Variants in CACNG2 observed in about 807,000 individuals in gnomAD.
CACNG2 encodes calcium voltage-gated channel auxiliary subunit gamma 2.
CACNG2 carries 3 observed loss-of-function variants against 25.9 expected under a neutral mutation model. That is an observed-to-expected ratio of 0.12 (90% CI 0.05 to 0.30). The LOEUF is 0.30. Ranked by LOEUF, CACNG2 falls within the 10% of genes least tolerant of loss-of-function variation. The probability of loss-of-function intolerance (pLI) is 1.00; values close to 1 mark genes in which losing one functional copy is unlikely to be tolerated. For synonymous variants in CACNG2, 167 were observed against 173.3 expected (o/e 0.96, Z 0.29); for missense variants, 341 against 432.5 (o/e 0.79, Z 1.88).
intron 1 of CACNG2, among the ~76,000 whole-genome samples, chr22:36,695,094 TC>T (rs1030149936): frequency 6.6e-6 from 1 of 152,078 alleles, no homozygotes; most frequent in African/African-American, 2.4e-5. Context: ...TTTGCGCCTG[TC>T]TTCTCAGCTA....
chr22:36,621,122 T>C (rs903207910), intron 1 of CACNG2, among the ~76,000 whole-genome samples: 1 of 152,250 alleles, frequency 6.6e-6, no homozygotes, highest in Admixed American at 6.5e-5. Context: ...GGATCTCTTA[T>C]AGGTATTGAG....
Position 36,563,758 on chromosome 22 carries a change from G to A in CACNG2, c.*593C>T, listed in dbSNP as rs769415097. Among the ~76,000 whole-genome samples, 125 of 151,636 alleles carry A rather than the reference G, an allele frequency of 8.2e-4. 1 individual carries two copies. The highest frequency in any genetic ancestry group is 8.7e-4 in the Non-Finnish European group (59 of 67,856). ...GTGACTGCAGGCTCACCTGGCCCCA[G>A]GGCCCCTGAGTCTCGCCCCCCAATC... On this transcript the variant is annotated 3_prime_UTR_variant, in exon 4 of 4. Coordinates refer to ENST00000300105, the MANE Select transcript of CACNG2 (RefSeq NM_006078.5).
intron 1 of CACNG2, among the ~76,000 whole-genome samples, chr22:36,674,428 G>T (rs546631907): frequency 6.6e-6 from 1 of 152,156 alleles, no homozygotes; most frequent in African/African-American, 2.4e-5. Flanking sequence ...TCTTGGGCTT[G>T]AGCGATTCTC....
At chr22:36,653,960 TTG>T (rs140752261) in intron 1 of CACNG2, among the ~76,000 whole-genome samples, 42 of 124,096 alleles carry the variant, frequency 3.4e-4, no homozygotes, top group South Asian at 1.7e-3. Flanking sequence ...TACAGTGTGT[TTG>T]TGTGTGTGTG....
rs748620747 is a variant in CACNG2, at chr22:36,587,544, A to G, written c.216T>C (p.Asn72=). 6 of 1,611,608 alleles carry G rather than the reference A, an allele frequency of 3.7e-6. No homozygotes were observed. Among genetic ancestry groups the G allele is most frequent in the South Asian group, 3.3e-5 (3 of 91,044 alleles). Residue 72 remains asparagine, a synonymous_variant, in exon 2 of 4, where the codon AAT becomes AAC. Coordinates refer to ENST00000300105, the MANE Select transcript of CACNG2 (RefSeq NM_006078.5). The part of the protein sequence containing the change: ...GLWRTCCLEG[N]FKGLCKQIDH... The stretch of plus-strand genomic sequence containing the variant: ...CAATTTGCTTGCACAGACCTTTGAA[A>G]TTCCCTGCAAAACAAGGGGAGAAGG...
At chr22:36,635,187 G>A (rs1160851366) in intron 1 of CACNG2, among the ~76,000 whole-genome samples, 2 of 151,960 alleles carry the variant, frequency 1.3e-5, no homozygotes, top group African/African-American at 4.8e-5. Context: ...GGGAGGCTGA[G>A]GCAGGAGAAT....
At chr22:36,679,152 TC>T (rs1937054596) in intron 1 of CACNG2, among the ~76,000 whole-genome samples, 6 of 85,536 alleles carry the variant, frequency 7.0e-5, no homozygotes, top group Admixed American at 2.3e-4. Flanking sequence ...CTTCCTTCCT[TC>T]CTTCCTTCCT....
intron 2 of CACNG2, among the ~76,000 whole-genome samples, chr22:36,576,455 C>T (rs1230051071): frequency 3.3e-5 from 5 of 151,592 alleles, no homozygotes; most frequent in Admixed American, 1.3e-4. Flanking sequence ...GGGTGCACCA[C>T]AATCTCACAA....
At chr22:36,683,241 T>G (rs765168808) in intron 1 of CACNG2, among the ~76,000 whole-genome samples, 2 of 152,250 alleles carry the variant, frequency 1.3e-5, no homozygotes, top group Non-Finnish European at 2.9e-5. Flanking sequence ...GTATAAGAAG[T>G]AGCTATGTCT....
At chr22:36,567,057 C>T (rs566653694) in intron 2 of CACNG2, among the ~76,000 whole-genome samples, 127 of 152,240 alleles carry the variant, frequency 8.3e-4, no homozygotes, top group African/African-American at 2.8e-3. Context: ...GGTGGAACCA[C>T]GTGGGTTGGA....
chr22:36,595,214 G>A (rs769000777), intron 1 of CACNG2, among the ~76,000 whole-genome samples: 3 of 152,070 alleles, frequency 2.0e-5, no homozygotes, highest in South Asian at 4.1e-4. Context: ...AGGATAGTGC[G>A]GGACATAGGA....
chr22:36,702,905 T>G lies in CACNG2; in HGVS notation c.-329A>C. ...CCCCACCCCCCCAAGTGAGATGCCT[T>G]AATCTCTTTTTCTAAAATTCTGGTC... On this transcript the variant is annotated 5_prime_UTR_variant, in exon 1 of 4. The change abolishes the stop of an existing upstream ORF in the 5' untranslated region. Transcript: ENST00000300105. The G allele has an allele frequency of 4.5e-6, 1 of 224,700 alleles. No homozygotes were observed. The highest frequency in any genetic ancestry group is 8.5e-6 in the Non-Finnish European group (1 of 117,198). The allele number at this position is 224,700 out of a possible 1,614,324, so 13.9% of individuals were successfully genotyped here.
intron 2 of CACNG2, among the ~76,000 whole-genome samples, chr22:36,583,154 G>C (rs1935447323): frequency 7.9e-6 from 1 of 126,068 alleles, no homozygotes; most frequent in Admixed American, 8.6e-5. Flanking sequence ...TTAATTTAGG[G>C]CTGGACATGG....
chr22:36,661,767 A>G (rs947704252), intron 1 of CACNG2, among the ~76,000 whole-genome samples: 1 of 152,088 alleles, frequency 6.6e-6, no homozygotes, highest in Non-Finnish European at 1.5e-5. Flanking sequence ...AGGTGGCCTC[A>G]TGGGCCTGGG....
At chr22:36,668,471 G>A (rs1333472048) in intron 1 of CACNG2, among the ~76,000 whole-genome samples, 1 of 151,136 alleles carries the variant, frequency 6.6e-6, no homozygotes, top group Non-Finnish European at 1.5e-5. Context: ...GAGACCAAAC[G>A]CCTGAGAACG....
chr22:36,581,525 G>A (rs888392891), intron 2 of CACNG2, among the ~76,000 whole-genome samples: 2 of 152,298 alleles, frequency 1.3e-5, no homozygotes, highest in African/African-American at 4.8e-5. Flanking sequence ...GTCCAGCCAT[G>A]CTCTTCTGGC....
intron 1 of CACNG2, among the ~76,000 whole-genome samples, chr22:36,631,726 T>G (rs1011687446): frequency 5.6e-5 from 8 of 143,592 alleles, no homozygotes; most frequent in African/African-American, 7.9e-5. Context: ...TGCCCGGTTA[T>G]GTGAGCAACT....
At chr22:36,650,551 A>T (rs9622443) in intron 1 of CACNG2, among the ~76,000 whole-genome samples, 17,435 of 151,626 alleles carry the variant, frequency 0.11, 2,632 homozygotes, top group African/African-American at 0.35. Flanking sequence ...TATTTTTTTT[A>T]AAAAAATAGA....
At chr22:36,633,023 C>T (rs1262251586) in intron 1 of CACNG2, among the ~76,000 whole-genome samples, 2 of 152,204 alleles carry the variant, frequency 1.3e-5, no homozygotes, top group South Asian at 2.1e-4. Flanking sequence ...CCCTTCAAGC[C>T]TCTTTGCTAA....
Sources: allele counts gnomAD v4.1 joint callset (sites outside exome capture counted in the v4.1 genomes callset), GRCh38; gene constraint gnomAD v4.1.1; transcripts MANE v1.5; gene names NCBI Gene and HGNC (gene_info 2026-07-23, HGNC 2026-07-21).